The following HMGCLL1 variants were observed in gnomAD, a reference collection of about 807,000 sequenced individuals.
The protein encoded by HMGCLL1 is 3-hydroxy-3-methylglutaryl-CoA lyase like 1.
In HMGCLL1, 36 loss-of-function variants were observed where a neutral mutation model predicts 39.1. That is an observed-to-expected ratio of 0.92 (90% confidence interval 0.71 to 1.22). The LOEUF is 1.22. Among genes scored for constraint, HMGCLL1 ranks in the 50% most tolerant of loss-of-function variants. The pLI is 0.00. For missense variants in HMGCLL1, 451 were observed against 416.5 expected (o/e 1.08, Z -0.72); for synonymous variants, 149 against 144.0 (o/e 1.03, Z -0.25).
upstream of HMGCLL1, among the ~76,000 whole-genome samples, chr6:55,579,780 A>T (rs1241899141): frequency 6.6e-6 from 1 of 152,192 alleles, no homozygotes; most frequent in Non-Finnish European, 1.5e-5. Flanking sequence ...GCACAAAATT[A>T]TTAAAGCCCT....
the HMGCLL1 span, among the ~76,000 whole-genome samples, chr6:55,596,766 T>C: frequency 6.6e-6 from 1 of 152,194 alleles, no homozygotes; most frequent in East Asian, 1.9e-4. Context: ...TTATCAGCAA[T>C]TAGTTCATGA....
At chr6:55,564,779 C>T (rs1312489461) in intron 1 of HMGCLL1, among the ~76,000 whole-genome samples, 2 of 151,014 alleles carry the variant, frequency 1.3e-5, no homozygotes, top group Non-Finnish European at 2.9e-5. Flanking sequence ...GCCTATAAAG[C>T]TTACAAGAGT....
chr6:55,589,657 T>C, the HMGCLL1 span, among the ~76,000 whole-genome samples: 13 of 152,080 alleles, frequency 8.5e-5, no homozygotes, highest in Non-Finnish European at 1.8e-4. Flanking sequence ...AAAACCCCAT[T>C]GTCTCAGCCA....
chr6:55,598,542 A>G, the HMGCLL1 span, among the ~76,000 whole-genome samples: 3 of 152,128 alleles, frequency 2.0e-5, no homozygotes, highest in East Asian at 1.9e-4. Flanking sequence ...AACCATGCCC[A>G]TTTCTGAAAG....
the HMGCLL1 span, among the ~76,000 whole-genome samples, chr6:55,615,732 G>A: frequency 6.6e-6 from 1 of 152,004 alleles, no homozygotes; most frequent in East Asian, 1.9e-4. Flanking sequence ...AACATCATAG[G>A]TGCATTTGTT....
chr6:55,494,096 C>T (rs1366049798), intron 7 of HMGCLL1, among the ~76,000 whole-genome samples: 1 of 152,052 alleles, frequency 6.6e-6, no homozygotes, highest in Non-Finnish European at 1.5e-5. Context: ...CCTTCCTTAA[C>T]CATTAAAACC....
At chr6:55,504,167 CT>C (rs1767037355) in intron 5 of HMGCLL1, among the ~76,000 whole-genome samples, 1 of 151,648 alleles carries the variant, frequency 6.6e-6, no homozygotes, top group African/African-American at 2.4e-5. Context: ...TAAAAGTAAG[CT>C]TCTTTCTATT....
the HMGCLL1 span, among the ~76,000 whole-genome samples, chr6:55,675,414 T>A: frequency 6.6e-6 from 1 of 152,118 alleles, no homozygotes; most frequent in Non-Finnish European, 1.5e-5. Flanking sequence ...ATGTATTATA[T>A]TAACACTGCC....
At chr6:55,561,933 A>C (rs1010016629) in intron 1 of HMGCLL1, among the ~76,000 whole-genome samples, 2 of 152,150 alleles carry the variant, frequency 1.3e-5, no homozygotes, top group African/African-American at 4.8e-5. Context: ...AGAAATTATA[A>C]ACTATAACAC....
At chr6:55,667,568 A>G in the HMGCLL1 span, among the ~76,000 whole-genome samples, 37 of 151,926 alleles carry the variant, frequency 2.4e-4, no homozygotes, top group South Asian at 2.1e-4. Context: ...TACTCTACAC[A>G]TTAAGACATA....
chr6:55,437,890 A>C (rs1179979387), intron 8 of HMGCLL1, among the ~76,000 whole-genome samples: 1 of 152,054 alleles, frequency 6.6e-6, no homozygotes, highest in East Asian at 1.9e-4. Context: ...TTTTAAAGTC[A>C]GATTAGCAGC....
the HMGCLL1 span, among the ~76,000 whole-genome samples, chr6:55,594,241 C>G: frequency 3.6e-3 from 545 of 152,142 alleles, 7 homozygotes; most frequent in Non-Finnish European, 3.2e-3. Flanking sequence ...TTCTTCTTTC[C>G]TTCTCACTAG....
At chr6:55,675,318 A>G in the HMGCLL1 span, among the ~76,000 whole-genome samples, 1 of 152,238 alleles carries the variant, frequency 6.6e-6, no homozygotes, top group South Asian at 2.1e-4. Context: ...GTGGTGTTTC[A>G]CCTAATTGGC....
the HMGCLL1 span, among the ~76,000 whole-genome samples, chr6:55,635,677 C>T: frequency 6.6e-6 from 1 of 152,096 alleles, no homozygotes; most frequent in Non-Finnish European, 1.5e-5. Context: ...ATCTGCCAGG[C>T]ACCTTCAGCA....
At chr6:55,443,180 G>A (rs963468500) in intron 7 of HMGCLL1, among the ~76,000 whole-genome samples, 2 of 152,018 alleles carry the variant, frequency 1.3e-5, no homozygotes, top group African/African-American at 2.4e-5. Flanking sequence ...TTATCAATCC[G>A]GGGTATGGGT....
At chr6:55,551,044 C>CA (rs773132435) in intron 1 of HMGCLL1, among the ~76,000 whole-genome samples, 11,660 of 107,462 alleles carry the variant, frequency 0.11, 616 homozygotes, top group Non-Finnish European at 0.15. Context: ...ATTTTCAGAC[C>CA]AAAAAAAAAA....
chr6:55,452,982 G>A (rs534385185), intron 7 of HMGCLL1, among the ~76,000 whole-genome samples: 2 of 152,298 alleles, frequency 1.3e-5, no homozygotes, highest in Admixed American at 1.3e-4. Flanking sequence ...AGCAAGGAAG[G>A]GGTGGAGGAG....
intron 4 of HMGCLL1, among the ~76,000 whole-genome samples, chr6:55,515,235 G>C (rs1360438136): frequency 1.4e-5 from 2 of 145,620 alleles, no homozygotes; most frequent in African/African-American, 2.6e-5. Context: ...CCTGGCGACA[G>C]AGCAAAGCTC....
chr6:55,582,500 A>C (rs1003199476), upstream of HMGCLL1, among the ~76,000 whole-genome samples: 1 of 152,176 alleles, frequency 6.6e-6, no homozygotes, highest in Non-Finnish European at 1.5e-5. Context: ...ATTTCTTAAA[A>C]ATGGTTCAAT....
Sources: allele counts gnomAD v4.1 joint callset (sites outside exome capture counted in the v4.1 genomes callset), GRCh38; gene constraint gnomAD v4.1.1; transcripts MANE v1.5; gene names NCBI Gene and HGNC (gene_info 2026-07-23, HGNC 2026-07-21).